Variants in FMN1 observed in about 807,000 individuals in gnomAD.
The protein encoded by FMN1 is formin 1, also known as formin-1.
Under a neutral mutation model 132.4 loss-of-function variants are expected in FMN1, and 110 were observed. The observed-to-expected ratio is 0.83, with a 90% CI of 0.71 to 0.97. The LOEUF (loss-of-function observed/expected upper bound fraction) is 0.97. Ranked by LOEUF, FMN1 falls within the 50% of genes least tolerant of loss-of-function variation. FMN1 has a pLI of 0.00. For missense variants in FMN1, 1,792 were observed against 1,705.3 expected (o/e 1.05, Z -0.90); for synonymous variants, 722 against 651.7 (o/e 1.11, Z -1.64).
chr15:33,160,135 C>T (rs1964829857), intron 3 of FMN1, among the ~76,000 whole-genome samples: 1 of 152,096 alleles, frequency 6.6e-6, no homozygotes, highest in African/African-American at 2.4e-5. Context: ...GAATTAACCC[C>T]AGCCTGTGGA....
intron 6 of FMN1, among the ~76,000 whole-genome samples, chr15:33,025,003 T>G (rs1487865988): frequency 6.6e-6 from 1 of 152,144 alleles, no homozygotes; most frequent in Non-Finnish European, 1.5e-5. Flanking sequence ...ACTCATGAAA[T>G]ACATAAAAAC....
intron 3 of FMN1, among the ~76,000 whole-genome samples, chr15:33,156,361 G>A (rs527473272): frequency 1.4e-5 from 2 of 145,196 alleles, no homozygotes; most frequent in East Asian, 2.1e-4. Context: ...GCTCACTGCC[G>A]TCTCAACATC....
intron 4 of FMN1, among the ~76,000 whole-genome samples, chr15:33,145,297 C>CA (rs1164764016): frequency 6.6e-6 from 1 of 151,686 alleles, no homozygotes. Flanking sequence ...TGGGATAAGA[C>CA]AAAATCTCAT....
intron 4 of FMN1, among the ~76,000 whole-genome samples, chr15:33,093,214 T>G (rs1302145074): frequency 6.6e-6 from 1 of 152,194 alleles, no homozygotes; most frequent in East Asian, 1.9e-4. Context: ...ACAAAAACCC[T>G]AAGCTTAAAA....
At chr15:32,910,387 T>C (rs2060529011) in intron 11 of FMN1, 87 bp downstream of exon 11, 1 of 1,107,602 alleles carries the variant, frequency 9.0e-7, no homozygotes, top group African/African-American at 1.6e-5. Flanking sequence ...TCAAAACCCT[T>C]ACTACCAAAG....
chr15:33,084,883 C>T (rs890279368), intron 5 of FMN1, among the ~76,000 whole-genome samples: 1 of 152,154 alleles, frequency 6.6e-6, no homozygotes, highest in African/African-American at 2.4e-5. Context: ...GATGTTTTAC[C>T]TTTCATCACG....
intron 7 of FMN1, among the ~76,000 whole-genome samples, chr15:32,988,103 G>A (rs555860743): frequency 6.1e-5 from 9 of 146,712 alleles, no homozygotes; most frequent in Non-Finnish European, 1.3e-4. Flanking sequence ...CTAATAAGCA[G>A]GGAGTGAGTG....
chr15:33,072,440 G>A (rs1259734554), intron 5 of FMN1, among the ~76,000 whole-genome samples: 5 of 151,956 alleles, frequency 3.3e-5, no homozygotes, highest in Non-Finnish European at 5.9e-5. Context: ...TGAGAAATAG[G>A]TAGCATTTGA....
At chr15:32,979,159 A>G (rs1366272397) in intron 7 of FMN1, among the ~76,000 whole-genome samples, 2 of 152,184 alleles carry the variant, frequency 1.3e-5, no homozygotes, top group African/African-American at 4.8e-5. Flanking sequence ...TAAACCTGGT[A>G]GAATGCAAAC....
In FMN1 at chr15:33,067,348, C is replaced by T. The variant is rs753593614; in HGVS notation, c.2044-2274G>A. 2.5e-6 allele frequency: 4 copies of T among 1,613,864 alleles called. No individual in the cohort carries two copies. The South Asian group carries it at 4.4e-5, about 18-fold the overall frequency. On this transcript the variant is annotated intron_variant, in intron 5 of 20. Coordinates refer to ENST00000616417, the MANE Select transcript of FMN1 (RefSeq NM_001277313.2). ...TGAAACCTCCTGGGTTTTCTTTGGA[C>T]TCCTGAGATGGCTCAGATAAAACAC...
chr15:32,962,126 ATTATTT>A (rs2030637657), intron 9 of FMN1, among the ~76,000 whole-genome samples: 1 of 151,538 alleles, frequency 6.6e-6, no homozygotes, highest in South Asian at 2.1e-4. Context: ...TATTATTATT[ATTATTT>A]TACTTTTATT....
intron 7 of FMN1, among the ~76,000 whole-genome samples, chr15:33,006,426 C>T (rs973069138): frequency 5.3e-5 from 8 of 152,044 alleles, no homozygotes; most frequent in Admixed American, 1.3e-4. Context: ...AAAAAGAGAA[C>T]CCATGCACAC....
At chr15:32,975,451 T>G (rs12905028) in intron 7 of FMN1, among the ~76,000 whole-genome samples, 2 of 152,322 alleles carry the variant, frequency 1.3e-5, no homozygotes, top group East Asian at 1.9e-4. Flanking sequence ...TAAGGAGAGA[T>G]AAAGATCCTT....
intron 17 of FMN1, among the ~76,000 whole-genome samples, chr15:32,809,181 C>T (rs9806610): frequency 6.6e-6 from 1 of 151,970 alleles, no homozygotes; most frequent in Non-Finnish European, 1.5e-5. Context: ...TAATCTTTGA[C>T]CTGATTAACT....
chr15:32,941,114 CAA>C (rs1035471012), intron 9 of FMN1, among the ~76,000 whole-genome samples: 28 of 152,046 alleles, frequency 1.8e-4, no homozygotes, highest in African/African-American at 6.8e-4. Context: ...ATATGAATGT[CAA>C]AATAATTATT....
At chr15:32,816,850 T>C (rs2058074439) in intron 17 of FMN1, among the ~76,000 whole-genome samples, 1 of 152,220 alleles carries the variant, frequency 6.6e-6, no homozygotes, top group African/African-American at 2.4e-5. Context: ...CATGAAATTC[T>C]ACAATCTCTA....
intron 17 of FMN1, among the ~76,000 whole-genome samples, chr15:32,856,777 A>G (rs1470327665): frequency 6.6e-6 from 1 of 152,252 alleles, no homozygotes; most frequent in East Asian, 1.9e-4. Flanking sequence ...AATTTACAAA[A>G]GCCAGAGTAA....
At chr15:33,111,687 C>T (rs1320465317) in intron 4 of FMN1, among the ~76,000 whole-genome samples, 1 of 152,094 alleles carries the variant, frequency 6.6e-6, no homozygotes, top group Non-Finnish European at 1.5e-5. Context: ...TGGCCAGTCA[C>T]AAAGACCACA....
intron 4 of FMN1, among the ~76,000 whole-genome samples, chr15:33,147,934 T>G (rs1230561332): frequency 2.0e-5 from 3 of 151,802 alleles, no homozygotes; most frequent in African/African-American, 7.3e-5. Context: ...TGTTGTTTTT[T>G]GAAAAAAAAA....
Sources: allele counts gnomAD v4.1 joint callset (sites outside exome capture counted in the v4.1 genomes callset), GRCh38; gene constraint gnomAD v4.1.1; transcripts MANE v1.5; gene names NCBI Gene and HGNC (gene_info 2026-07-23, HGNC 2026-07-21).